Variants in RIMS2 observed in about 807,000 individuals in gnomAD.
RIMS2 encodes regulating synaptic membrane exocytosis 2, also known as regulating synaptic membrane exocytosis protein 2.
A neutral mutation model predicts 174.4 loss-of-function variants in RIMS2; 59 were observed. That is an observed-to-expected ratio of 0.34 (90% confidence interval 0.27 to 0.42). The LOEUF (loss-of-function observed/expected upper bound fraction) is 0.42. RIMS2 is among the 10% of genes least tolerant of loss of function. The probability of loss-of-function intolerance (pLI) is 1.00; values close to 1 mark genes in which losing one functional copy is unlikely to be tolerated. For synonymous variants in RIMS2, 606 were observed against 572.5 expected (o/e 1.06, Z -0.84); for missense variants, 1,620 against 1,666.3 (o/e 0.97, Z 0.48).
Position 104,013,519 on chromosome 8 carries a change from CCA to C in RIMS2, c.3124_3125del (p.Thr1042ProfsTer6). On this transcript the variant is annotated frameshift_variant, in exon 18 of 24. Transcript: ENST00000504942. LOFTEE classifies it high-confidence loss of function. ...CAACGGCCTCTCCTTGAGCGGACCACCACCCGCTCCAGATCCACTGAACGTCC... is the reference window on the plus strand; with the variant it reads ...CAACGGCCTCTCCTTGAGCGGACCACCCCGCTCCAGATCCACTGAACGTCC... 1 of 1,613,458 alleles carries C rather than the reference CCA, an allele frequency of 6.2e-7. No individual in the cohort carries two copies. The highest frequency in any genetic ancestry group is 8.5e-7 in the Non-Finnish European group (1 of 1,179,502).
chr8:104,113,803 T>A (rs2098235898), intron 19 of RIMS2, among the ~76,000 whole-genome samples: 1 of 151,962 alleles, frequency 6.6e-6, no homozygotes, highest in Non-Finnish European at 1.5e-5. Context: ...AATTATGTTT[T>A]TTTTCAAATA....
intron 19 of RIMS2, among the ~76,000 whole-genome samples, chr8:104,111,390 G>A (rs923403025): frequency 6.6e-6 from 1 of 152,068 alleles, no homozygotes; most frequent in African/African-American, 2.4e-5. Context: ...GAATTGACAA[G>A]TGGCTCATTT....
chr8:104,064,949 G>C (rs955437426), intron 19 of RIMS2, among the ~76,000 whole-genome samples: 2 of 151,922 alleles, frequency 1.3e-5, no homozygotes, highest in Non-Finnish European at 1.5e-5. Context: ...AAACCACTAA[G>C]AAGTCTTCTG....
intron 14 of RIMS2, among the ~76,000 whole-genome samples, chr8:103,943,878 A>G (rs2083111359): frequency 6.6e-6 from 1 of 152,192 alleles, no homozygotes; most frequent in African/African-American, 2.4e-5. Context: ...ATAAATTTAT[A>G]AACACAAATG....
chr8:103,904,042 A>C (rs183021224), intron 4 of RIMS2, among the ~76,000 whole-genome samples: 2 of 152,214 alleles, frequency 1.3e-5, no homozygotes, highest in Non-Finnish European at 2.9e-5. Flanking sequence ...AAAGATGAAG[A>C]ACTACTATAT....
intron 2 of RIMS2, among the ~76,000 whole-genome samples, chr8:103,713,536 T>G (rs1300246448): frequency 6.6e-6 from 1 of 152,146 alleles, no homozygotes; most frequent in African/African-American, 2.4e-5. Flanking sequence ...TTTCCCCAAA[T>G]TTTTTTGATT....
chr8:103,946,401 A>G (rs1388640942), intron 14 of RIMS2, among the ~76,000 whole-genome samples: 1 of 152,146 alleles, frequency 6.6e-6, no homozygotes, highest in African/African-American at 2.4e-5. Context: ...CTGAAGCAGG[A>G]TAATCGCTTG....
At chr8:103,869,631 G>A (rs1327567861) in intron 3 of RIMS2, among the ~76,000 whole-genome samples, 1 of 151,910 alleles carries the variant, frequency 6.6e-6, no homozygotes, top group South Asian at 2.1e-4. Flanking sequence ...TGAGGAACAC[G>A]CTTCTAATAA....
intron 4 of RIMS2, among the ~76,000 whole-genome samples, chr8:103,899,165 A>T (rs962963601): frequency 1.6e-4 from 25 of 151,732 alleles, no homozygotes; most frequent in Non-Finnish European, 3.2e-4. Flanking sequence ...TATTGTGAAT[A>T]ATGCCGCAAT....
chr8:103,769,882 A>G (rs1432060774), intron 3 of RIMS2, among the ~76,000 whole-genome samples: 1 of 152,208 alleles, frequency 6.6e-6, no homozygotes, highest in Non-Finnish European at 1.5e-5. Context: ...TGCCCAACCA[A>G]TAGCTCCTTT....
intron 19 of RIMS2, among the ~76,000 whole-genome samples, chr8:104,100,521 A>G (rs1424345343): frequency 1.3e-5 from 2 of 152,054 alleles, no homozygotes; most frequent in African/African-American, 4.8e-5. Context: ...GAAGAGGCTC[A>G]TGGAAAGTTC....
intron 3 of RIMS2, among the ~76,000 whole-genome samples, chr8:103,878,706 T>G (rs2099153466): frequency 6.6e-6 from 1 of 151,688 alleles, no homozygotes; most frequent in Non-Finnish European, 1.5e-5. Context: ...AGCTTTTTTT[T>G]TTTTGTTTGA....
intron 19 of RIMS2, among the ~76,000 whole-genome samples, chr8:104,105,885 A>G (rs2098041174): frequency 6.6e-6 from 1 of 151,806 alleles, no homozygotes. Context: ...AAAAATACAA[A>G]AAAATTTAGC....
intron 17 of RIMS2, among the ~76,000 whole-genome samples, chr8:103,997,261 G>A (rs2095162504): frequency 6.6e-6 from 1 of 151,722 alleles, no homozygotes; most frequent in Admixed American, 6.6e-5. Flanking sequence ...GTGCAGTTGA[G>A]GAAGGGAATA....
chr8:103,756,136 T>C (rs1166326502), intron 2 of RIMS2, among the ~76,000 whole-genome samples: 1 of 152,208 alleles, frequency 6.6e-6, no homozygotes, highest in African/African-American at 2.4e-5. Context: ...TTTGTTGATG[T>C]TGATGGTACT....
chr8:103,991,757 A>G (rs2094714565), intron 17 of RIMS2, among the ~76,000 whole-genome samples: 1 of 152,154 alleles, frequency 6.6e-6, no homozygotes, highest in Admixed American at 6.5e-5. Context: ...TCTTTTTTAT[A>G]GGATTTGAAA....
intron 19 of RIMS2, among the ~76,000 whole-genome samples, chr8:104,125,641 T>C (rs977944249): frequency 2.0e-5 from 3 of 152,156 alleles, no homozygotes; most frequent in Non-Finnish European, 2.9e-5. Flanking sequence ...AGAGAATAAT[T>C]TTTTTAAAAT....
At position 103,797,145 on chromosome 8, in the gene RIMS2, G is replaced by T. The variant is rs1024448015; in HGVS notation, c.698+30608G>T. On this transcript the variant is annotated intron_variant, in intron 3 of 23. Coordinates refer to ENST00000504942, the Ensembl canonical transcript of RIMS2. ...AGCAAGTGCCAAGATTGTTAAGTGAGGGTGTGCCTTGGCATATCGGCCTAA... is the reference window on the plus strand; with the variant it reads ...AGCAAGTGCCAAGATTGTTAAGTGATGGTGTGCCTTGGCATATCGGCCTAA... 2.0e-5 allele frequency among the ~76,000 whole-genome samples: 3 copies of T among 152,178 alleles called. No individual in the cohort carries two copies. In the South Asian group the frequency reaches 6.2e-4, roughly 32 times the overall value.
intron 19 of RIMS2, among the ~76,000 whole-genome samples, chr8:104,073,948 G>A (rs74511606): frequency 0.026 from 3,893 of 152,228 alleles, 137 homozygotes; most frequent in African/African-American, 0.086. Context: ...GGACTTATAA[G>A]CAGTATTAAT....
Sources: allele counts gnomAD v4.1 joint callset (sites outside exome capture counted in the v4.1 genomes callset), GRCh38; gene constraint gnomAD v4.1.1; transcripts MANE v1.5; gene names NCBI Gene and HGNC (gene_info 2026-07-23, HGNC 2026-07-21).